The following WWOX variants were observed in gnomAD, a reference collection of about 807,000 sequenced individuals.
The protein encoded by WWOX is WW domain containing oxidoreductase.
A neutral mutation model predicts 46.2 loss-of-function variants in WWOX; 69 were observed. The ratio of observed to expected loss-of-function variants is 1.49; its 90% CI spans 1.23 to 1.82. The LOEUF (loss-of-function observed/expected upper bound fraction) is 1.82. WWOX is among the 40% of genes most tolerant of loss of function. The pLI, the probability that WWOX is intolerant of heterozygous loss-of-function variation, is 0.00. For synonymous variants in WWOX, 359 were observed against 202.6 expected (o/e 1.77, Z -6.56); for missense variants, 919 against 542.6 (o/e 1.69, Z -6.89).
chr16:78,229,303 C>G (rs1334331367), intron 5 of WWOX, among the ~76,000 whole-genome samples: 4 of 150,764 alleles, frequency 2.7e-5, no homozygotes, highest in South Asian at 2.1e-4. Context: ...AGAGCCAGGA[C>G]TAGAACCTAC....
chr16:79,104,037 T>TTGG (rs1282554879), intron 8 of WWOX, among the ~76,000 whole-genome samples: 2 of 38,326 alleles, frequency 5.2e-5, no homozygotes, highest in African/African-American at 6.9e-5. Flanking sequence ...TGCCCTTTTT[T>TTGG]GGGGGGGGGG....
intron 8 of WWOX, among the ~76,000 whole-genome samples, chr16:78,454,388 T>C (rs1222602772): frequency 1.3e-5 from 2 of 150,748 alleles, no homozygotes; most frequent in Non-Finnish European, 2.9e-5. Flanking sequence ...GTGTATTATA[T>C]GCATGTGTGT....
intron 8 of WWOX, among the ~76,000 whole-genome samples, chr16:78,607,576 G>T (rs867439136): frequency 6.6e-6 from 1 of 151,926 alleles, no homozygotes; most frequent in Admixed American, 6.6e-5. Flanking sequence ...CTTAGACCCG[G>T]AGAAGTCTCC....
chr16:78,887,468 AACACACAC>A (rs78503110), intron 8 of WWOX, among the ~76,000 whole-genome samples: 17,128 of 135,786 alleles, frequency 0.13, 1,248 homozygotes, highest in Middle Eastern at 0.18. Context: ...AAGTATATAA[AACACACAC>A]ACACACACAC....
intron 6 of WWOX, among the ~76,000 whole-genome samples, chr16:78,419,311 C>G (rs994413230): frequency 6.6e-6 from 1 of 151,964 alleles, no homozygotes; most frequent in Admixed American, 6.6e-5. Flanking sequence ...TATATGAATG[C>G]AAAGGAACCT....
chr16:78,859,025 AAAATATAT>A (rs2052646529), intron 8 of WWOX, among the ~76,000 whole-genome samples: 2 of 31,480 alleles, frequency 6.4e-5, no homozygotes, highest in African/African-American at 4.0e-4. Context: ...AAAAAAAAAA[AAAATATAT>A]ATATATATAT....
chr16:78,523,893 T>C (rs1447342477), intron 8 of WWOX, among the ~76,000 whole-genome samples: 1 of 152,204 alleles, frequency 6.6e-6, no homozygotes, highest in East Asian at 1.9e-4. Flanking sequence ...AAATTACAGG[T>C]AAGAACACAG....
chr16:78,887,017 C>G (rs1028649020), intron 8 of WWOX, among the ~76,000 whole-genome samples: 1 of 151,180 alleles, frequency 6.6e-6, no homozygotes, highest in Non-Finnish European at 1.5e-5. Context: ...TTGTCAGTCT[C>G]AAACCTTTTC....
chr16:78,837,097 G>C (rs1191906820), intron 8 of WWOX, among the ~76,000 whole-genome samples: 1 of 152,092 alleles, frequency 6.6e-6, no homozygotes, highest in African/African-American at 2.4e-5. Flanking sequence ...GCTGCTTAGG[G>C]AGGGGGGAGA....
chr16:78,897,388 C>T (rs897423254), intron 8 of WWOX: 2 of 151,846 alleles, frequency 1.3e-5, no homozygotes, highest in Non-Finnish European at 2.9e-5. Context: ...CTTTGTTTTA[C>T]CTGTTCTAGA....
At chr16:78,379,060 C>G (rs2081895189) in intron 5 of WWOX, among the ~76,000 whole-genome samples, 1 of 152,170 alleles carries the variant, frequency 6.6e-6, no homozygotes, top group African/African-American at 2.4e-5. Context: ...TGTCACGTCA[C>G]TCAGCCTCTG....
intron 5 of WWOX, among the ~76,000 whole-genome samples, chr16:78,194,662 C>G (rs182529774): frequency 6.6e-6 from 1 of 151,480 alleles, no homozygotes; most frequent in Non-Finnish European, 1.5e-5. Flanking sequence ...GAAGACATGG[C>G]AATAATTATC....
chr16:78,962,850 A>G (rs1396270384), intron 8 of WWOX, among the ~76,000 whole-genome samples: 1 of 152,188 alleles, frequency 6.6e-6, no homozygotes, highest in Non-Finnish European at 1.5e-5. Context: ...GATTTCTATC[A>G]GCATAGTTTT....
intron 8 of WWOX, among the ~76,000 whole-genome samples, chr16:78,652,313 G>A (rs1362068765): frequency 1.3e-5 from 2 of 150,270 alleles, no homozygotes; most frequent in African/African-American, 2.5e-5. Flanking sequence ...GGAGCCTGAG[G>A]CAGGAGAATC....
At position 79,212,071 on chromosome 16, in the gene WWOX, G is replaced by T. The variant is rs902722083; in HGVS notation, c.*275G>T. 4.6e-6 allele frequency: 7 copies of T among 1,536,276 alleles called. No homozygotes were observed. The African/African-American group carries it at 6.8e-5, about 15-fold the overall frequency. ...AAGTAAAAACCTGCTTGGTGTGTAG[G>T]TTCCGTATCTCCCTGGAGAAGCACC... On this transcript the variant is annotated 3_prime_UTR_variant, in exon 9 of 9. Coordinates refer to ENST00000566780, the MANE Select transcript of WWOX (RefSeq NM_016373.4).
intron 8 of WWOX, among the ~76,000 whole-genome samples, chr16:78,938,922 G>C (rs896059747): frequency 6.6e-6 from 1 of 152,188 alleles, no homozygotes; most frequent in Non-Finnish European, 1.5e-5. Flanking sequence ...CAGTCAGGGG[G>C]AATGCTGGCT....
At chr16:78,904,393 T>C (rs2044908059) in intron 8 of WWOX, among the ~76,000 whole-genome samples, 1 of 151,932 alleles carries the variant, frequency 6.6e-6, no homozygotes, top group South Asian at 2.1e-4. Context: ...AGCACACCAC[T>C]GCGCCCAGCT....
intron 8 of WWOX, among the ~76,000 whole-genome samples, chr16:79,145,542 C>G (rs8044764): frequency 0.43 from 65,846 of 151,948 alleles, 14,944 homozygotes; most frequent in African/African-American, 0.58. Flanking sequence ...GAAATGTTTT[C>G]CATTAGAATC....
rs563763753 is a variant in WWOX at position 78,349,570 on chromosome 16, G to C, written c.517-37290G>C. Among the ~76,000 whole-genome samples the C allele has an allele frequency of 4.3e-4, 52 of 120,632 alleles. 13 individuals carry two copies. Among genetic ancestry groups the C allele is most frequent in the African/African-American group, 1.3e-3 (48 of 35,630 alleles). 79.1% of individuals were successfully genotyped at this position (120,632 alleles called of 152,430 possible). On this transcript the variant is annotated intron_variant, in intron 5 of 8. Transcript: ENST00000566780. ...TTACATGGCCCTGACTGTCTTGCCTGGTGCTGCAGGCCACCTTCACAGCCT... is the reference window on the plus strand; with the variant it reads ...TTACATGGCCCTGACTGTCTTGCCTCGTGCTGCAGGCCACCTTCACAGCCT...
Sources: allele counts gnomAD v4.1 joint callset (sites outside exome capture counted in the v4.1 genomes callset), GRCh38; gene constraint gnomAD v4.1.1; transcripts MANE v1.5; gene names NCBI Gene and HGNC (gene_info 2026-07-23, HGNC 2026-07-21).